ZMIZ1: variants seen among roughly 807,000 people sequenced by gnomAD.
ZMIZ1 encodes the protein zinc finger MIZ-type containing 1.
Under a neutral mutation model 113.9 loss-of-function variants are expected in ZMIZ1, and 17 were observed. The observed-to-expected ratio is 0.15, with a 90% CI of 0.10 to 0.22. ZMIZ1 has a LOEUF of 0.22. ZMIZ1 is among the 10% of genes least tolerant of loss of function. The pLI, the probability that ZMIZ1 is intolerant of heterozygous loss-of-function variation, is 1.00. For synonymous variants in ZMIZ1, 607 were observed against 603.1 expected, an observed-to-expected ratio of 1.01 and a Z score of -0.09; for missense variants, 1,059 against 1,477.8, an observed-to-expected ratio of 0.72 and a Z score of 4.65.
At chr10:79,262,423 G>T (rs749045203) in intron 7 of ZMIZ1, among the ~76,000 whole-genome samples, 1 of 152,228 alleles carries the variant, frequency 6.6e-6, no homozygotes, top group Non-Finnish European at 1.5e-5. Context: ...GAATCATTCA[G>T]CCCTGCTCTG....
rs575857982 is a variant in ZMIZ1, at chr10:79,306,951, A to G, written c.2669-454A>G. ...GCCATCGCCACATGGTGGAGGGCACAGTGACCAGGGAGGCGGAACAGCTGG... is the reference window on the plus strand; with the variant it reads ...GCCATCGCCACATGGTGGAGGGCACGGTGACCAGGGAGGCGGAACAGCTGG... On this transcript the variant is annotated intron_variant, in intron 22 of 24. Transcript: ENST00000334512. Among the ~76,000 whole-genome samples, 13 of 152,344 alleles carry G rather than the reference A, an allele frequency of 8.5e-5. No homozygotes were observed. The East Asian group carries it at 2.5e-3, about 29-fold the overall frequency.
At chr10:79,307,899 T>C (rs540847774) in intron 23 of ZMIZ1, among the ~76,000 whole-genome samples, 1 of 152,220 alleles carries the variant, frequency 6.6e-6, no homozygotes, top group East Asian at 1.9e-4. Context: ...CTCTCCCACT[T>C]GCACAATCTT....
chr10:79,117,082 A>G (rs1207522450), intron 1 of ZMIZ1, among the ~76,000 whole-genome samples: 1 of 152,268 alleles, frequency 6.6e-6, no homozygotes, highest in Non-Finnish European at 1.5e-5. Flanking sequence ...GGCTGTTGCC[A>G]GGGGAGTTCC....
chr10:79,312,842 G>GT lies in ZMIZ1; in HGVS notation c.*93_*94insT. 8.1e-7 allele frequency: 1 copy of GT among 1,236,746 alleles called. No individual in the cohort carries two copies. Among genetic ancestry groups the GT allele is most frequent in the Non-Finnish European group, 1.2e-6 (1 of 861,860 alleles). 76.6% of individuals were successfully genotyped at this position (1,236,746 alleles called of 1,614,324 possible). The stretch of plus-strand genomic sequence containing the variant: ...ACCTGGGAGCCTGTGCCCTCAGACC[G>GT]CCCCGCACCAGAGCCACGGGCTGTG... On this transcript the variant is annotated 3_prime_UTR_variant, in exon 25 of 25. Transcript: ENST00000334512.
intron 10 of ZMIZ1, 133 bp downstream of exon 10, chr10:79,291,309 G>A: frequency 8.6e-7 from 1 of 1,165,748 alleles, no homozygotes; most frequent in Non-Finnish European, 1.2e-6. Context: ...TACATGAGTT[G>A]AAGGGGCTCA....
rs199771760 is a variant in ZMIZ1 at position 79,296,551 on chromosome 10, G to A, written c.1311G>A (p.Pro437=). The change falls in exon 13 of 25, where the codon CCG becomes CCA. Residue 437 remains proline (P), a synonymous_variant. Coordinates refer to ENST00000334512, the MANE Select transcript of ZMIZ1 (RefSeq NM_020338.4). This position sits in a 1 kb window ranked among gnomAD's most constrained non-coding sequence, Gnocchi z 4.1. The part of the protein sequence containing the change: ...QPGQYPAPNP[P]RPLTSPNYPG... ...GCCAGTACCCAGCCCCCAACCCCCC[G>A]AGGCCACTCACCTCCCCCAACTACC... 30 of 1,355,310 alleles carry A rather than the reference G, an allele frequency of 2.2e-5. No individual in the cohort carries two copies. The highest frequency in any genetic ancestry group is 1.1e-4 in the African/African-American group (6 of 56,360). The allele number at this position is 1,355,310 out of a possible 1,614,324, so 84.0% of individuals were successfully genotyped here.
At chr10:79,151,996 A>G (rs1845732450) in intron 3 of ZMIZ1, among the ~76,000 whole-genome samples, 1 of 152,166 alleles carries the variant, frequency 6.6e-6, no homozygotes, top group Non-Finnish European at 1.5e-5. Flanking sequence ...CCACCAGGTG[A>G]TGGTGCTCTG....
intron 1 of ZMIZ1, among the ~76,000 whole-genome samples, chr10:79,077,860 C>T (rs888229609): frequency 6.6e-6 from 1 of 152,198 alleles, no homozygotes; most frequent in African/African-American, 2.4e-5. Flanking sequence ...AAAAGGTAGC[C>T]CTAGTCATGG....
intron 8 of ZMIZ1, among the ~76,000 whole-genome samples, chr10:79,279,100 C>T (rs1241845776): frequency 6.8e-6 from 1 of 146,846 alleles, no homozygotes; most frequent in East Asian, 2.1e-4. Context: ...GCTGGCCGGA[C>T]AGGGGCTGCC....
intron 4 of ZMIZ1, among the ~76,000 whole-genome samples, chr10:79,182,885 C>T (rs1847179931): frequency 6.6e-6 from 1 of 152,254 alleles, no homozygotes; most frequent in Non-Finnish European, 1.5e-5. Flanking sequence ...CACTGTTTTC[C>T]TCCTCCTCGG....
At chr10:79,305,854 C>G (rs551939427) in intron 21 of ZMIZ1, among the ~76,000 whole-genome samples, 1 of 152,312 alleles carries the variant, frequency 6.6e-6, no homozygotes, top group African/African-American at 2.4e-5. Context: ...ACCTGCTGCT[C>G]CCCACGAGGG....
At chr10:79,125,495 G>A (rs1844475421) in intron 2 of ZMIZ1, among the ~76,000 whole-genome samples, 1 of 152,188 alleles carries the variant, frequency 6.6e-6, no homozygotes. Context: ...GAGTTTCCTG[G>A]GTGTTACTTA....
intron 7 of ZMIZ1, among the ~76,000 whole-genome samples, chr10:79,273,578 G>A (rs887194786): frequency 1.3e-5 from 2 of 152,104 alleles, no homozygotes; most frequent in Admixed American, 6.5e-5. Flanking sequence ...GGTTAGTCTC[G>A]AACTCCTGAC....
intron 4 of ZMIZ1, among the ~76,000 whole-genome samples, chr10:79,188,399 C>T (rs1191224888): frequency 6.6e-6 from 1 of 152,222 alleles, no homozygotes; most frequent in Non-Finnish European, 1.5e-5. Context: ...CGCCCCCGAG[C>T]CAGTCTTGCT....
intron 8 of ZMIZ1, among the ~76,000 whole-genome samples, chr10:79,279,154 C>T (rs1852522666): frequency 6.6e-6 from 1 of 151,818 alleles, no homozygotes; most frequent in Admixed American, 6.6e-5. Context: ...GGGGCTGCCC[C>T]CGACCTCCCG....
At chr10:79,224,254 G>A (rs1849111198) in intron 7 of ZMIZ1, among the ~76,000 whole-genome samples, 2 of 152,164 alleles carry the variant, frequency 1.3e-5, no homozygotes, top group African/African-American at 4.8e-5. Flanking sequence ...ATCTGGAGGG[G>A]GCCGGAGGGT....
At chr10:79,133,640 A>AT (rs1844867986) in intron 2 of ZMIZ1, among the ~76,000 whole-genome samples, 1 of 152,124 alleles carries the variant, frequency 6.6e-6, no homozygotes, top group Non-Finnish European at 1.5e-5. Context: ...GGACCTTGGT[A>AT]GTGCATTTTC....
intron 7 of ZMIZ1, among the ~76,000 whole-genome samples, chr10:79,239,894 CCCCCACCCCAA>C (rs1229139459): frequency 6.7e-6 from 1 of 150,148 alleles, no homozygotes; most frequent in Non-Finnish European, 1.5e-5. Flanking sequence ...TCCCCACCCG[CCCCCACCCCAA>C]CCCCACCCAG....
intron 1 of ZMIZ1, among the ~76,000 whole-genome samples, chr10:79,103,830 G>A (rs537219671): frequency 6.6e-6 from 1 of 152,182 alleles, no homozygotes; most frequent in Admixed American, 6.5e-5. Context: ...CCGGTCCCCT[G>A]GCTTGGAGGC....
Sources: gnomAD v4.1 joint callset for allele counts (sites outside exome capture counted in the v4.1 genomes callset) on GRCh38, gnomAD v4.1.1 for gene constraint, Gnocchi (gnomAD v3.1) non-coding constraint, MANE v1.5 for transcripts, NCBI Gene and HGNC (gene_info 2026-07-23, HGNC 2026-07-21) for gene names.